Variants in WDR59 observed in about 807,000 individuals in gnomAD.
WDR59 encodes the protein GATOR2 complex protein WDR59.
In WDR59, 100 loss-of-function variants were observed where a neutral mutation model predicts 131.2. The ratio of observed to expected loss-of-function variants is 0.76; its 90% confidence interval spans 0.65 to 0.90. The LOEUF is 0.90. Ranked by LOEUF, WDR59 falls within the 40% of genes least tolerant of loss-of-function variation. WDR59 has a pLI of 0.00. For missense variants in WDR59, 1,203 were observed against 1,262.2 expected (o/e 0.95, Z 0.71); for synonymous variants, 601 against 466.2 (o/e 1.29, Z -3.72).
At chr16:74,963,698 T>G (rs923662127) in intron 2 of WDR59, among the ~76,000 whole-genome samples, 16 of 152,280 alleles carry the variant, frequency 1.1e-4, no homozygotes, top group African/African-American at 3.4e-4. Context: ...CACGTTTACC[T>G]ACGTAACAAA....
At chr16:74,877,362 C>A (rs941252090) in intron 25 of WDR59, among the ~76,000 whole-genome samples, 12 of 152,096 alleles carry the variant, frequency 7.9e-5, no homozygotes, top group African/African-American at 2.9e-4. Flanking sequence ...AAGAAAATGT[C>A]AAATGTGATT....
chr16:74,881,263 T>G (rs2063843327), intron 25 of WDR59, among the ~76,000 whole-genome samples: 1 of 152,234 alleles, frequency 6.6e-6, no homozygotes, highest in African/African-American at 2.4e-5. Context: ...GGATATGGGA[T>G]GACCCTTGCA....
intron 6 of WDR59, among the ~76,000 whole-genome samples, chr16:74,946,012 T>C (rs903663194): frequency 5.9e-5 from 9 of 151,966 alleles, no homozygotes; most frequent in African/African-American, 2.2e-4. Flanking sequence ...AGACGGGGTT[T>C]CTCCATGTTG....
chr16:74,981,635 TATATATATATATATATATA>T (rs1315343643), intron 1 of WDR59, among the ~76,000 whole-genome samples: 2,099 of 25,738 alleles, frequency 0.082, 187 homozygotes, highest in Non-Finnish European at 0.12. Flanking sequence ...TATATATATA[TATATATATATATATATATA>T]TATATATTTT....
At chr16:74,954,488 A>G (rs2033180815) in intron 3 of WDR59, among the ~76,000 whole-genome samples, 1 of 152,210 alleles carries the variant, frequency 6.6e-6, no homozygotes, top group Non-Finnish European at 1.5e-5. Flanking sequence ...TTTTTTTAAA[A>G]ATACAAAAAA....
chr16:74,910,356 G>A (rs1236930771), intron 14 of WDR59, among the ~76,000 whole-genome samples: 1 of 152,160 alleles, frequency 6.6e-6, no homozygotes, highest in African/African-American at 2.4e-5. Flanking sequence ...CCAACACAGT[G>A]TAATAATCTA....
At chr16:74,945,648 G>A (rs1206895294) in intron 6 of WDR59, among the ~76,000 whole-genome samples, 1 of 151,934 alleles carries the variant, frequency 6.6e-6, no homozygotes, top group Non-Finnish European at 1.5e-5. Flanking sequence ...CAGAGCAGTG[G>A]AACTGTTAAG....
chr16:74,886,177 C>CAAAAAAAAA (rs777732079), intron 24 of WDR59, 93 bp downstream of exon 24: 253 of 1,018,412 alleles, frequency 2.5e-4, no homozygotes, highest in African/African-American at 6.1e-4. Context: ...ATTCTGTGTC[C>CAAAAAAAAA]AAAAAAAAAA....
chr16:74,978,841 G>C (rs561127385), intron 1 of WDR59, among the ~76,000 whole-genome samples: 2 of 152,252 alleles, frequency 1.3e-5, no homozygotes, highest in Admixed American at 6.5e-5. Flanking sequence ...AGTATGTTCA[G>C]CTGCTTTGGA....
chr16:74,905,478 G>A (rs761295364), intron 17 of WDR59, among the ~76,000 whole-genome samples: 7 of 151,432 alleles, frequency 4.6e-5, no homozygotes, highest in Non-Finnish European at 5.9e-5. Context: ...TCAGGAAATC[G>A]AGACCATCCT....
intron 9 of WDR59, 26 bp downstream of exon 9, chr16:74,923,900 A>G (rs975415346): frequency 6.2e-7 from 1 of 1,605,314 alleles, no homozygotes; most frequent in African/African-American, 1.3e-5. Context: ...GAAGTTTCTT[A>G]TCAAGAGGCA....
At chr16:74,905,517 T>C (rs942183559) in intron 17 of WDR59, among the ~76,000 whole-genome samples, 1 of 150,492 alleles carries the variant, frequency 6.6e-6, no homozygotes, top group Admixed American at 6.6e-5. Context: ...CCGTCTCTAT[T>C]AAAAAATACA....
At chr16:74,979,485 CA>C (rs779453736) in intron 1 of WDR59, among the ~76,000 whole-genome samples, 113 of 112,612 alleles carry the variant, frequency 1.0e-3, no homozygotes, top group African/African-American at 3.2e-3. Context: ...CAAAACAAAA[CA>C]AAACAAACAA....
intron 8 of WDR59, among the ~76,000 whole-genome samples, chr16:74,928,770 G>C (rs1477107021): frequency 1.3e-5 from 2 of 152,000 alleles, no homozygotes; most frequent in African/African-American, 4.8e-5. Context: ...TAATCCGGGT[G>C]TGGTGGTGTG....
intron 20 of WDR59, among the ~76,000 whole-genome samples, chr16:74,891,319 T>C (rs1965033080): frequency 6.6e-6 from 1 of 152,046 alleles, no homozygotes; most frequent in Non-Finnish European, 1.5e-5. Flanking sequence ...CGAGAAGCAT[T>C]AGGCATGCAA....
chr16:74,951,303 C>G (rs193272712), intron 4 of WDR59, among the ~76,000 whole-genome samples, 155 bp downstream of exon 4: 1 of 152,140 alleles, frequency 6.6e-6, no homozygotes, highest in Admixed American at 6.5e-5. Context: ...GTGCTCTTCA[C>G]CACCATCTCA....
intron 9 of WDR59, 138 bp from the exon 10 acceptor site, chr16:74,922,241 T>C: frequency 1.8e-6 from 2 of 1,098,304 alleles, no homozygotes; most frequent in South Asian, 3.3e-5. Flanking sequence ...GGAGAAATTT[T>C]TCCCAAACAC....
At chr16:74,951,658 T>A in intron 3 of WDR59, 115 bp from the exon 4 acceptor site, 1 of 876,896 alleles carries the variant, frequency 1.1e-6, no homozygotes, top group Non-Finnish European at 1.8e-6. Context: ...CAAAGATCCT[T>A]CAGGCTGAAC....
intron 25 of WDR59, among the ~76,000 whole-genome samples, chr16:74,884,901 A>G (rs1215338680): frequency 6.6e-6 from 1 of 152,064 alleles, no homozygotes; most frequent in Non-Finnish European, 1.5e-5. Context: ...GGCCTTCTCA[A>G]CACACCTCAA....
Sources: gnomAD v4.1 joint callset for allele counts (sites outside exome capture counted in the v4.1 genomes callset) on GRCh38, gnomAD v4.1.1 for gene constraint, MANE v1.5 for transcripts, NCBI Gene and HGNC (gene_info 2026-07-23, HGNC 2026-07-21) for gene names.